Variants in TMEM54 observed in about 807,000 individuals in gnomAD.
The protein encoded by TMEM54 is beta-casein-like protein.
Under a neutral mutation model 21.3 loss-of-function variants are expected in TMEM54, and 21 were observed. The observed-to-expected ratio is 0.99, with a 90% CI of 0.70 to 1.42. The LOEUF (loss-of-function observed/expected upper bound fraction) is 1.42. TMEM54 is among the 40% of genes most tolerant of loss of function. The probability of loss-of-function intolerance (pLI) is 0.00; values close to 1 mark genes in which losing one functional copy is unlikely to be tolerated. For synonymous variants in TMEM54, 109 were observed against 125.0 expected (o/e 0.87, Z 0.86); for missense variants, 246 against 294.0 (o/e 0.84, Z 1.19).
chr1:32,898,311 T>A lies in TMEM54; in HGVS notation c.25A>T (p.Ser9Cys). Residue 9 changes from serine (S) to cysteine (C), a missense_variant, in exon 2 of 6, where the codon AGT (serine) becomes TGT (cysteine). Ser to Cys is a moderately radical substitution (Grantham distance 112). Coordinates refer to ENST00000373463, the MANE Select transcript of TMEM54 (RefSeq NM_033504.4). MCLRLGGL[S>C]VGDFRKVLMK... ...AGCACCTTCCGGAAGTCGCCCACAC[T>A]CAGGCCTCCTGTGGGGGACAGCTAT... The A allele has an allele frequency of 6.2e-7, 1 of 1,600,576 alleles. No homozygotes were observed. The highest frequency in any genetic ancestry group is 8.6e-7 in the Non-Finnish European group (1 of 1,168,822).
chr1:32,899,451 G>C (rs1002570188), intron 1 of TMEM54, among the ~76,000 whole-genome samples: 4 of 151,152 alleles, frequency 2.6e-5, no homozygotes, highest in Non-Finnish European at 4.4e-5. Flanking sequence ...TCTAATCCCA[G>C]CACTTTGGGA....
chr1:32,898,409 T>G, intron 1 of TMEM54, 90 bp from the exon 2 acceptor site: 1 of 1,270,208 alleles, frequency 7.9e-7, no homozygotes, highest in Non-Finnish European at 1.1e-6. Flanking sequence ...GTGATGGACA[T>G]TGGGTTCTAA....
At position 32,894,751 on chromosome 1, in the gene TMEM54, CAG is replaced by C. The variant is rs1418138095; in HGVS notation, c.*52_*53del. On this transcript the variant is annotated 3_prime_UTR_variant, in exon 6 of 6. Coordinates refer to ENST00000373463, the MANE Select transcript of TMEM54 (RefSeq NM_033504.4). The stretch of plus-strand genomic sequence containing the variant: ...CAGGAATCCTGGCCTGGTCACAGAG[CAG>C]AGTTGCTTGCAGGGTCCTAGTGGCC... The C allele has an allele frequency of 9.0e-5, 142 of 1,584,858 alleles. No individual in the cohort carries two copies. The highest frequency in any genetic ancestry group is 1.2e-4 in the Non-Finnish European group (136 of 1,156,536).
chr1:32,899,987 A>G (rs1641689689), intron 1 of TMEM54, among the ~76,000 whole-genome samples: 2 of 152,204 alleles, frequency 1.3e-5, no homozygotes, highest in Admixed American at 1.3e-4. Flanking sequence ...GACAGGCACC[A>G]TGAGACTGGA....
rs777910975 is a variant in TMEM54 at position 32,901,276 on chromosome 1, G to A, written c.-38C>T. 1 of 1,355,108 alleles carries A rather than the reference G, an allele frequency of 7.4e-7. No homozygotes were observed. Among genetic ancestry groups the A allele is most frequent in the South Asian group, 1.9e-5 (1 of 52,386 alleles). The allele number at this position is 1,355,108 out of a possible 1,614,324, so 83.9% of individuals were successfully genotyped here. Reference sequence around the variant, plus strand: ...CTGGTCCCGCCCCCGGCTTCAGCGCGGCTCCCGAGGCTGCGGGCCGCCGGG... The same window carrying A: ...CTGGTCCCGCCCCCGGCTTCAGCGCAGCTCCCGAGGCTGCGGGCCGCCGGG... On this transcript the variant is annotated 5_prime_UTR_variant, in exon 1 of 6. Transcript: ENST00000373463. This position sits in a 1 kb window ranked among gnomAD's most constrained non-coding sequence, Gnocchi z 4.2.
chr1:32,894,764 A>G lies in TMEM54; in HGVS notation c.*41T>C, dbSNP rs1557543268. On this transcript the variant is annotated 3_prime_UTR_variant, in exon 6 of 6. Transcript: ENST00000373463. ...CTGGTCACAGAGCAGAGTTGCTTGC[A>G]GGGTCCTAGTGGCCATCGGGCCTGG... The G allele has an allele frequency of 6.3e-7, 1 of 1,588,638 alleles. No homozygotes were observed. Among genetic ancestry groups the G allele is most frequent in the Admixed American group, 1.7e-5 (1 of 59,498 alleles).
In TMEM54 at chr1:32,895,320, T is replaced by C; in HGVS notation, c.579A>G (p.Lys193=). Residue 193 remains lysine (K), a synonymous_variant, in exon 5 of 6, where the codon AAA becomes AAG. Coordinates refer to ENST00000373463, the MANE Select transcript of TMEM54 (RefSeq NM_033504.4). This position sits in a 1 kb window ranked among gnomAD's most constrained non-coding sequence, Gnocchi z 5.8. ...QLLELRPWWG[K]SSHHMMRENP... Reference sequence around the variant, plus strand: ...GGGAACTTACCATGTGGTGGCTGCTTTTCCCCCACCAGGGCCTCAGCTCCA... The same window carrying C: ...GGGAACTTACCATGTGGTGGCTGCTCTTCCCCCACCAGGGCCTCAGCTCCA... 6.2e-7 allele frequency: 1 copy of C among 1,612,508 alleles called. No individual in the cohort carries two copies. The highest frequency in any genetic ancestry group is 1.1e-5 in the South Asian group (1 of 90,930).
Position 32,896,542 on chromosome 1 carries a change from T to G in TMEM54, c.211-573A>C, listed in dbSNP as rs987511661. Among the ~76,000 whole-genome samples the G allele has an allele frequency of 6.6e-6, 1 of 152,206 alleles. No individual in the cohort carries two copies. The highest frequency in any genetic ancestry group is 1.5e-5 in the Non-Finnish European group (1 of 68,020). On this transcript the variant is annotated intron_variant, in intron 2 of 5. Coordinates refer to ENST00000373463, the MANE Select transcript of TMEM54 (RefSeq NM_033504.4). The surrounding 1 kb of genome is among the most constrained non-coding windows in gnomAD (Gnocchi z 4.1). ...CACAGCCTGCTCAGGACACTGCCCA[T>G]GCACCCTCTCACCTTCCTGCTCCTC...
chr1:32,895,836 G>C lies in TMEM54; in HGVS notation c.270+74C>G. The C allele has an allele frequency of 6.4e-7, 1 of 1,571,870 alleles. No homozygotes were observed. The highest frequency in any genetic ancestry group is 8.6e-7 in the Non-Finnish European group (1 of 1,158,958). On this transcript the variant is annotated intron_variant, in intron 3 of 5. Coordinates refer to ENST00000373463, the MANE Select transcript of TMEM54 (RefSeq NM_033504.4). This position sits in a 1 kb window ranked among gnomAD's most constrained non-coding sequence, Gnocchi z 5.8. ...GAGGGTCAGCCTTACCCTCTCCAAG[G>C]AGGCCAGGCCCTTGGCGGGTGGCTG...
Position 32,894,648 on chromosome 1 carries a change from T to C in TMEM54, c.*157A>G, listed in dbSNP as rs1323333423. On this transcript the variant is annotated 3_prime_UTR_variant, in exon 6 of 6. Transcript: ENST00000373463. ...AGAATAAAGTCTCATTTCAGTGCAGTGGGCTGGGTGGTGGGGGAGAGGGTT... is the reference window on the plus strand; with the variant it reads ...AGAATAAAGTCTCATTTCAGTGCAGCGGGCTGGGTGGTGGGGGAGAGGGTT... 1.1e-6 allele frequency: 1 copy of C among 875,684 alleles called. No individual in the cohort carries two copies. 54.2% of individuals were successfully genotyped at this position (875,684 alleles called of 1,614,324 possible).
chr1:32,899,359 G>A (rs1641672897), intron 1 of TMEM54, among the ~76,000 whole-genome samples: 1 of 147,856 alleles, frequency 6.8e-6, no homozygotes, highest in Admixed American at 6.9e-5. Flanking sequence ...AGAGCGGTTT[G>A]GTCATATTTA....
In TMEM54 at chr1:32,898,254, C is replaced by G; in HGVS notation, c.82G>C (p.Gly28Arg). ...MKTGLVLVVLGHVSFITAALF... is the reference protein window; with the variant it reads ...MKTGLVLVVLRHVSFITAALF... ...GCAGCTGTGATGAAGCTCACATGGC[C>G]CAGCACCACCAGCACCAGGCCTGTC... Residue 28 changes from glycine to arginine, a missense_variant, in exon 2 of 6, where the codon GGC (glycine) becomes CGC (arginine). Gly to Arg is a moderately radical substitution (Grantham distance 125). Coordinates refer to ENST00000373463, the MANE Select transcript of TMEM54 (RefSeq NM_033504.4). 1 of 1,613,062 alleles carries G rather than the reference C, an allele frequency of 6.2e-7. No individual in the cohort carries two copies. Among genetic ancestry groups the G allele is most frequent in the Non-Finnish European group, 8.5e-7 (1 of 1,179,152 alleles).
At chr1:32,898,364 G>A in intron 1 of TMEM54, 45 bp from the exon 2 acceptor site, 3 of 1,537,852 alleles carry the variant, frequency 2.0e-6, no homozygotes, top group Non-Finnish European at 2.7e-6. Context: ...GGCTTATCCT[G>A]CTGGGCAGAA....
chr1:32,895,815 G>T lies in TMEM54; in HGVS notation c.271-72C>A. 6.4e-7 allele frequency: 1 copy of T among 1,553,166 alleles called. No homozygotes were observed. Among genetic ancestry groups the T allele is most frequent in the African/African-American group, 1.4e-5 (1 of 73,884 alleles). ...ATGGGCAGCTCTGGCCTCCCTGAGG[G>T]TCAGCCTTACCCTCTCCAAGGAGGC... On this transcript the variant is annotated intron_variant, in intron 3 of 5. Coordinates refer to ENST00000373463, the MANE Select transcript of TMEM54 (RefSeq NM_033504.4). The surrounding 1 kb of genome is among the most constrained non-coding windows in gnomAD (Gnocchi z 5.8).
chr1:32,900,616 G>A (rs1262527248), intron 1 of TMEM54, among the ~76,000 whole-genome samples: 1 of 152,330 alleles, frequency 6.6e-6, no homozygotes, highest in East Asian at 1.9e-4. Context: ...AGTCCTAGGA[G>A]GTGGGAACTA....
chr1:32,894,851 C>T lies in TMEM54; in HGVS notation c.623G>A (p.Gly208Asp), dbSNP rs140899806. The T allele has an allele frequency of 2.5e-5, 40 of 1,612,024 alleles. No individual in the cohort carries two copies. Among genetic ancestry groups the T allele is most frequent in the Non-Finnish European group, 3.3e-5 (39 of 1,178,402 alleles). The change falls in exon 6 of 6, where the codon GGC (glycine) becomes GAC (aspartate). Residue 208 changes from glycine to aspartate, a missense_variant. Coordinates refer to ENST00000373463, the MANE Select transcript of TMEM54 (RefSeq NM_033504.4). Reference sequence around the variant, plus strand: ...GCTGGTGCAGCTCAGCAGGTCACGGCCCTCCACCAGCTCTGGGTTCTCCCG... The same window carrying T: ...GCTGGTGCAGCTCAGCAGGTCACGGTCCTCCACCAGCTCTGGGTTCTCCCG... ...MMRENPELVEGRDLLSCTSSE... is the reference protein window; with the variant it reads ...MMRENPELVEDRDLLSCTSSE...
chr1:32,895,885 C>G lies in TMEM54; in HGVS notation c.270+25G>C. The G allele has an allele frequency of 6.2e-7, 1 of 1,606,804 alleles. No homozygotes were observed. Among genetic ancestry groups the G allele is most frequent in the Non-Finnish European group, 8.5e-7 (1 of 1,176,652 alleles). ...TGCTGCCCCTACCCTTCCCTCACAGCCCCATCCCAGGAGGCACCACGTACC... is the reference window on the plus strand; with the variant it reads ...TGCTGCCCCTACCCTTCCCTCACAGGCCCATCCCAGGAGGCACCACGTACC... On this transcript the variant is annotated intron_variant, in intron 3 of 5. Transcript: ENST00000373463. This position sits in a 1 kb window ranked among gnomAD's most constrained non-coding sequence, Gnocchi z 5.8.
chr1:32,898,348 G>C (rs1162481429), intron 1 of TMEM54, 29 bp from the exon 2 acceptor site: 1 of 1,575,798 alleles, frequency 6.3e-7, no homozygotes, highest in African/African-American at 1.3e-5. Flanking sequence ...TCAGGGCTGT[G>C]CGTGGGGCTT....
rs142745217 is a variant in TMEM54, at chr1:32,895,327, C to G, written c.572G>C (p.Trp191Ser). Residue 191 changes from tryptophan to serine, a missense_variant, in exon 5 of 6, where the codon TGG becomes TCG. Transcript: ENST00000373463. This position sits in a 1 kb window ranked among gnomAD's most constrained non-coding sequence, Gnocchi z 5.8. Reference sequence around the variant, plus strand: ...TACCATGTGGTGGCTGCTTTTCCCCCACCAGGGCCTCAGCTCCAGCAGCTG... The same window carrying G: ...TACCATGTGGTGGCTGCTTTTCCCCGACCAGGGCCTCAGCTCCAGCAGCTG... ...THQLLELRPW[W>S]GKSSHHMMRE... is the part of the protein sequence containing the mutation. 5.1e-5 allele frequency: 83 copies of G among 1,613,076 alleles called. No individual in the cohort carries two copies. In the Admixed American group the frequency reaches 5.2e-4, roughly 10 times the overall value.
Sources: allele counts gnomAD v4.1 joint callset (sites outside exome capture counted in the v4.1 genomes callset), GRCh38; gene constraint gnomAD v4.1.1; non-coding constraint Gnocchi (gnomAD v3.1); transcripts MANE v1.5; gene names NCBI Gene and HGNC (gene_info 2026-07-23, HGNC 2026-07-21).